The following BANP variants were observed in gnomAD, a reference collection of about 807,000 sequenced individuals.
BANP encodes the protein protein BANP.
Under a neutral mutation model 68.1 loss-of-function variants are expected in BANP, and 11 were observed. The observed-to-expected ratio is 0.16, with a 90% CI of 0.10 to 0.27. The LOEUF is 0.27. Ranked by LOEUF, BANP falls within the 10% of genes least tolerant of loss-of-function variation. The pLI, the probability that BANP is intolerant of heterozygous loss-of-function variation, is 1.00. For missense variants in BANP, 504 were observed against 722.7 expected (o/e 0.70, Z 3.47); for synonymous variants, 329 against 303.2 (o/e 1.09, Z -0.88).
At chr16:87,992,412 C>A (rs548923226) in intron 4 of BANP, among the ~76,000 whole-genome samples, 29 of 152,234 alleles carry the variant, frequency 1.9e-4, no homozygotes, top group African/African-American at 7.0e-4. Context: ...GAAAATGTTT[C>A]TGTGAGATTA....
chr16:88,054,671 T>C (rs967704995), intron 11 of BANP, among the ~76,000 whole-genome samples: 14 of 152,242 alleles, frequency 9.2e-5, no homozygotes, highest in South Asian at 2.1e-4. Flanking sequence ...TATCTACTTA[T>C]TGGCCTCTCA....
At chr16:88,019,578 TCCGGGATCTCGGC>T (rs1567771983) in intron 7 of BANP, among the ~76,000 whole-genome samples, 182 of 10,412 alleles carry the variant, frequency 0.017, no homozygotes, top group Non-Finnish European at 0.026. Context: ...GGGCGGGGCG[TCCGGGATCTCGGC>T]GTGCGGGATC....
intron 10 of BANP, chr16:88,037,418 T>A (rs2079629657): frequency 6.5e-6 from 1 of 154,282 alleles, no homozygotes. Flanking sequence ...TAAAATTATT[T>A]TGTTAAAACA....
Position 88,041,248 on chromosome 16 carries a change from TTG to T in BANP, c.1311+3240_1311+3241del, listed in dbSNP as rs1412129555. 2.0e-5 allele frequency among the ~76,000 whole-genome samples: 3 copies of T among 152,132 alleles called. No individual in the cohort carries two copies. In the East Asian group the frequency reaches 5.8e-4, roughly 29 times the overall value. On this transcript the variant is annotated intron_variant, in intron 11 of 13. Coordinates refer to ENST00000682872, the MANE Select transcript of BANP (RefSeq NM_001386991.1). Reference sequence around the variant, plus strand: ...CATTCTTAGTTCCACGGAGGGAGGGTTGTGCGCTGTGCTTGTGGATTGCTGCC... The same window carrying T: ...CATTCTTAGTTCCACGGAGGGAGGGTTGCGCTGTGCTTGTGGATTGCTGCC...
intron 7 of BANP, among the ~76,000 whole-genome samples, chr16:88,019,805 T>C (rs1322901164): frequency 3.3e-5 from 5 of 152,050 alleles, no homozygotes; most frequent in South Asian, 2.1e-4. Flanking sequence ...CGTGAGCCTC[T>C]GTCAGGAGCA....
Position 88,027,631 on chromosome 16 carries a change from G to C in BANP, c.1044G>C (p.Ser348=). ...GCTTCTCGCGGAGAACGCCCAACTC[G>C]TCCTCCTACTGCCCTTCAGGTAGGC... is the stretch of plus-strand genomic sequence containing the variant. The part of the protein sequence containing the change: ...VKSFSRRTPN[S]SSYCPSEPMM... The change falls in exon 8 of 14, where the codon TCG becomes TCC. Residue 348 remains serine (S), a synonymous_variant. Transcript: ENST00000682872. 6.2e-7 allele frequency: 1 copy of C among 1,613,482 alleles called. No homozygotes were observed. The highest frequency in any genetic ancestry group is 2.2e-5 in the East Asian group (1 of 44,858).
chr16:88,007,822 A>C (rs7405403), intron 6 of BANP, among the ~76,000 whole-genome samples: 151,601 of 152,156 alleles, frequency 1, 75,527 homozygotes, highest in Middle Eastern at 1. Flanking sequence ...GGCAGAATGG[A>C]GGGAAGAGAG....
At position 88,002,102 on chromosome 16, in the gene BANP, AATGG is replaced by A. The variant is rs2152549281; in HGVS notation, c.363-2189_363-2186del. Among the ~76,000 whole-genome samples, 1 of 152,248 alleles carries A rather than the reference AATGG, an allele frequency of 6.6e-6. No individual in the cohort carries two copies. The highest frequency in any genetic ancestry group is 1.5e-5 in the Non-Finnish European group (1 of 68,008). On this transcript the variant is annotated intron_variant, in intron 4 of 13. Coordinates refer to ENST00000682872, the MANE Select transcript of BANP (RefSeq NM_001386991.1). This position sits in a 1 kb window ranked among gnomAD's most constrained non-coding sequence, Gnocchi z 4.6. The stretch of plus-strand genomic sequence containing the variant: ...GGGCTTTTTGGTTAATTATTGAATC[AATGG>A]ATGATTATGTTTGACTGCTTAGATG...
At chr16:88,010,167 G>A (rs2072647290) in intron 6 of BANP, among the ~76,000 whole-genome samples, 1 of 152,236 alleles carries the variant, frequency 6.6e-6, no homozygotes, top group Admixed American at 6.5e-5. Flanking sequence ...TGACTAAGCT[G>A]CCAGCTGAGT....
chr16:87,961,588 A>G (rs2059168501), intron 1 of BANP, among the ~76,000 whole-genome samples: 1 of 152,248 alleles, frequency 6.6e-6, no homozygotes, highest in South Asian at 2.1e-4. Context: ...GTAAAAATGT[A>G]AAACAATATT....
At chr16:87,986,615 C>T (rs1187864136) in intron 4 of BANP, among the ~76,000 whole-genome samples, 2 of 152,192 alleles carry the variant, frequency 1.3e-5, no homozygotes, top group East Asian at 3.8e-4. Flanking sequence ...TGCTTTGGCC[C>T]AGGGTCCTCC....
At chr16:88,046,702 C>T (rs1264057389) in intron 11 of BANP, among the ~76,000 whole-genome samples, 3 of 151,902 alleles carry the variant, frequency 2.0e-5, no homozygotes, top group Non-Finnish European at 2.9e-5. Context: ...CACCCGCCAC[C>T]GCACCCGGCT....
At chr16:88,058,926 C>CT (rs2085902718) in intron 11 of BANP, among the ~76,000 whole-genome samples, 1 of 152,202 alleles carries the variant, frequency 6.6e-6, no homozygotes. Context: ...CCCCTGCCGG[C>CT]TTTTCCTTCT....
intron 3 of BANP, among the ~76,000 whole-genome samples, chr16:87,981,911 G>A (rs1309957117): frequency 1.3e-5 from 2 of 152,228 alleles, no homozygotes; most frequent in African/African-American, 4.8e-5. Context: ...CAGAGTCACC[G>A]AGGTAAATAT....
chr16:88,041,376 G>C (rs1476462202), intron 11 of BANP, among the ~76,000 whole-genome samples: 4 of 152,288 alleles, frequency 2.6e-5, no homozygotes, highest in African/African-American at 7.2e-5. Context: ...TGCTGCGTTG[G>C]TGTGACCCTG....
chr16:87,953,591 C>T (rs979685106), intron 1 of BANP, among the ~76,000 whole-genome samples: 2 of 152,186 alleles, frequency 1.3e-5, no homozygotes, highest in Non-Finnish European at 2.9e-5. Flanking sequence ...CTTCTATCCC[C>T]TGGACTGTCT....
intron 6 of BANP, among the ~76,000 whole-genome samples, chr16:88,010,929 A>G (rs141271224): frequency 0.069 from 2,338 of 33,788 alleles, 56 homozygotes; most frequent in African/African-American, 0.18. Flanking sequence ...TATTTACAGA[A>G]TTCATCTTAT....
At chr16:87,961,548 G>A (rs985164194) in intron 1 of BANP, among the ~76,000 whole-genome samples, 4 of 152,064 alleles carry the variant, frequency 2.6e-5, no homozygotes, top group Admixed American at 2.6e-4. Context: ...AACTCTAGTT[G>A]TTTTCAATTA....
At chr16:88,015,007 G>T (rs148899294) in intron 6 of BANP, among the ~76,000 whole-genome samples, 1 of 151,370 alleles carries the variant, frequency 6.6e-6, no homozygotes, top group African/African-American at 2.4e-5. Flanking sequence ...CTCTCTGCCC[G>T]TCCCTCTGCC....
Sources: gnomAD v4.1 joint callset for allele counts (sites outside exome capture counted in the v4.1 genomes callset) on GRCh38, gnomAD v4.1.1 for gene constraint, Gnocchi (gnomAD v3.1) non-coding constraint, MANE v1.5 for transcripts, NCBI Gene and HGNC (gene_info 2026-07-23, HGNC 2026-07-21) for gene names.